RNGTT: variants seen among roughly 807,000 people sequenced by gnomAD.
RNGTT encodes RNA guanylyltransferase and 5'-phosphatase.
In RNGTT, 33 loss-of-function variants were observed where a neutral mutation model predicts 79.3. That is an observed-to-expected ratio of 0.42 (90% confidence interval 0.32 to 0.56). The LOEUF is 0.56. RNGTT is among the 20% of genes least tolerant of loss of function. The pLI is 0.17. For synonymous variants in RNGTT, 222 were observed against 235.9 expected, an observed-to-expected ratio of 0.94 and a Z score of 0.54; for missense variants, 497 against 739.1, an observed-to-expected ratio of 0.67 and a Z score of 3.80.
At chr6:88,938,719 A>G (rs1784749512) in intron 2 of RNGTT, among the ~76,000 whole-genome samples, 1 of 151,418 alleles carries the variant, frequency 6.6e-6, no homozygotes, top group South Asian at 2.1e-4. Flanking sequence ...GTTTTTATTT[A>G]TATTTTTGTG....
In RNGTT at chr6:88,958,611, A is replaced by C. The variant is rs190867852; in HGVS notation, c.64+4735T>G. ...ACAGTTGGCCAAGAAGCATATGAAA[A>C]ATGTTCAACATCACTATCAAGGAAA... On this transcript the variant is annotated intron_variant, in intron 1 of 15. Coordinates refer to ENST00000369485, the MANE Select transcript of RNGTT (RefSeq NM_003800.5). Among the ~76,000 whole-genome samples the C allele has an allele frequency of 2.0e-5, 3 of 152,360 alleles. No homozygotes were observed. In the East Asian group the frequency reaches 5.8e-4, roughly 29 times the overall value.
At chr6:88,698,138 T>C (rs1187543211) in intron 13 of RNGTT, among the ~76,000 whole-genome samples, 22 of 111,030 alleles carry the variant, frequency 2.0e-4, no homozygotes, top group Non-Finnish European at 3.5e-4. Flanking sequence ...ATATATATGA[T>C]ATATATATGA....
At chr6:88,914,795 G>A (rs1309200452) in intron 4 of RNGTT, among the ~76,000 whole-genome samples, 1 of 152,134 alleles carries the variant, frequency 6.6e-6, no homozygotes, top group African/African-American at 2.4e-5. Context: ...AAGCTAAAGA[G>A]CTTCTGCACA....
At chr6:88,827,934 C>A (rs1336370408) in intron 11 of RNGTT, among the ~76,000 whole-genome samples, 1 of 152,118 alleles carries the variant, frequency 6.6e-6, no homozygotes, top group African/African-American at 2.4e-5. Flanking sequence ...GACAGAGTAC[C>A]TGGGGGAAGG....
intron 11 of RNGTT, among the ~76,000 whole-genome samples, chr6:88,809,612 C>G (rs1582487336): frequency 6.6e-6 from 1 of 151,882 alleles, no homozygotes; most frequent in African/African-American, 2.4e-5. Flanking sequence ...TTCTAAATAA[C>G]CCAAGAATAA....
chr6:88,784,795 C>G (rs929575336), intron 12 of RNGTT, among the ~76,000 whole-genome samples: 1 of 152,034 alleles, frequency 6.6e-6, no homozygotes, highest in Non-Finnish European at 1.5e-5. Flanking sequence ...CCCTAGATGC[C>G]TAAATCAGAG....
chr6:88,616,837 G>A (rs1772244148), intron 14 of RNGTT, among the ~76,000 whole-genome samples: 1 of 152,106 alleles, frequency 6.6e-6, no homozygotes, highest in Non-Finnish European at 1.5e-5. Context: ...CATTCTGTAG[G>A]CTGCCTTTTC....
chr6:88,657,715 C>T (rs1002718691), intron 14 of RNGTT, among the ~76,000 whole-genome samples: 22 of 152,138 alleles, frequency 1.4e-4, no homozygotes, highest in Admixed American at 6.5e-4. Flanking sequence ...TTGGTGCTGT[C>T]GGTGGGGCAC....
intron 13 of RNGTT, among the ~76,000 whole-genome samples, chr6:88,755,376 T>A (rs1350926794): frequency 6.6e-6 from 1 of 151,780 alleles, no homozygotes; most frequent in African/African-American, 2.4e-5. Flanking sequence ...ACAATTTAGA[T>A]CCAAACAAAA....
intron 14 of RNGTT, among the ~76,000 whole-genome samples, chr6:88,647,652 C>A (rs1173510010): frequency 2.1e-5 from 3 of 142,138 alleles, no homozygotes; most frequent in African/African-American, 8.3e-5. Context: ...TTTGAGGCTG[C>A]AGTGATTGTA....
rs1777405492 is a variant in RNGTT, at chr6:88,739,725, T to TTATTTA, written c.1439+30048_1439+30049insTAAATA. Among the ~76,000 whole-genome samples, 105 of 94,152 alleles carry TTATTTA rather than the reference T, an allele frequency of 1.1e-3. 3 individuals are homozygous for TTATTTA. The highest frequency in any genetic ancestry group is 4.5e-3 in the African/African-American group (98 of 21,632). 61.8% of individuals were successfully genotyped at this position (94,152 alleles called of 152,430 possible). ...TCCCGTGTAACTGGTGTGAAAAAAATTATATATATATATATATATATATAT... is the reference window on the plus strand; with the variant it reads ...TCCCGTGTAACTGGTGTGAAAAAAATTATTTATATATATATATATATATATATATAT... On this transcript the variant is annotated intron_variant, in intron 13 of 15. Transcript: ENST00000369485.
chr6:88,855,870 G>T (rs1322793813), intron 8 of RNGTT, among the ~76,000 whole-genome samples: 1 of 152,186 alleles, frequency 6.6e-6, no homozygotes, highest in Admixed American at 6.5e-5. Context: ...CTTGGAAGAA[G>T]TAAGCTTTGC....
At chr6:88,839,370 A>C (rs1488985312) in intron 11 of RNGTT, among the ~76,000 whole-genome samples, 3 of 152,146 alleles carry the variant, frequency 2.0e-5, no homozygotes, top group African/African-American at 7.2e-5. Context: ...CAGGAATTTG[A>C]GACCAGCCTG....
chr6:88,696,576 T>C (rs1021234706), intron 13 of RNGTT, among the ~76,000 whole-genome samples: 6 of 149,418 alleles, frequency 4.0e-5, no homozygotes, highest in African/African-American at 1.5e-4. Context: ...TGACATTGAC[T>C]GCAGGATGAA....
At chr6:88,822,647 C>A (rs1027083189) in intron 11 of RNGTT, among the ~76,000 whole-genome samples, 1 of 152,166 alleles carries the variant, frequency 6.6e-6, no homozygotes, top group African/African-American at 2.4e-5. Context: ...ACAGACCAAC[C>A]TCTATCACCC....
intron 12 of RNGTT, among the ~76,000 whole-genome samples, chr6:88,773,426 T>A (rs1485113216): frequency 1.3e-5 from 2 of 149,504 alleles, no homozygotes; most frequent in Non-Finnish European, 3.0e-5. Flanking sequence ...CATATGTAAC[T>A]AACCTGCACA....
At chr6:88,645,659 C>T (rs376699451) in intron 14 of RNGTT, among the ~76,000 whole-genome samples, 3 of 152,198 alleles carry the variant, frequency 2.0e-5, no homozygotes, top group Admixed American at 6.5e-5. Flanking sequence ...AACAGAGATA[C>T]AGACCAATGG....
chr6:88,938,702 G>A (rs1784749063), intron 2 of RNGTT, among the ~76,000 whole-genome samples: 1 of 152,048 alleles, frequency 6.6e-6, no homozygotes, highest in South Asian at 2.1e-4. Context: ...TGTTTGCTCT[G>A]TCAGTGGTTT....
intron 14 of RNGTT, among the ~76,000 whole-genome samples, chr6:88,650,246 G>A (rs3823025): frequency 0.031 from 4,731 of 151,960 alleles, 92 homozygotes; most frequent in African/African-American, 0.057. Context: ...CCTATATTAC[G>A]TGCATGTTAC....
Sources: allele counts gnomAD v4.1 joint callset (sites outside exome capture counted in the v4.1 genomes callset), GRCh38; gene constraint gnomAD v4.1.1; transcripts MANE v1.5; gene names NCBI Gene and HGNC (gene_info 2026-07-23, HGNC 2026-07-21).